Variants in PIAS1 observed in about 807,000 individuals in gnomAD.
PIAS1 encodes protein inhibitor of activated STAT 1, also known as E3 SUMO-protein ligase PIAS1.
Under a neutral mutation model 71.3 loss-of-function variants are expected in PIAS1, and 6 were observed. That is an observed-to-expected ratio of 0.08 (90% CI 0.05 to 0.17). The LOEUF is 0.17. Among genes scored for constraint, PIAS1 ranks in the 10% least tolerant of loss-of-function variants. The probability of loss-of-function intolerance (pLI) is 1.00; values close to 1 mark genes in which losing one functional copy is unlikely to be tolerated. For synonymous variants in PIAS1, 303 were observed against 292.9 expected, an observed-to-expected ratio of 1.03 and a Z score of -0.35; for missense variants, 555 against 793.6, an observed-to-expected ratio of 0.70 and a Z score of 3.61.
chr15:68,098,896 C>T (rs2092400161), intron 2 of PIAS1, among the ~76,000 whole-genome samples: 1 of 152,046 alleles, frequency 6.6e-6, no homozygotes. Flanking sequence ...TTTATAATTC[C>T]TAGAAATAGA....
At chr15:68,139,450 T>C (rs1262338225) in intron 2 of PIAS1, among the ~76,000 whole-genome samples, 2 of 152,240 alleles carry the variant, frequency 1.3e-5, no homozygotes, top group African/African-American at 4.8e-5. Context: ...TACTTGTACA[T>C]ACTATATATG....
At chr15:68,128,574 TA>T (rs35492116) in intron 2 of PIAS1, among the ~76,000 whole-genome samples, 3,199 of 152,212 alleles carry the variant, frequency 0.021, 114 homozygotes, top group African/African-American at 0.072. Context: ...AATTCTGATC[TA>T]AAAAAAAATT....
At chr15:68,120,101 C>T (rs12101612) in intron 2 of PIAS1, among the ~76,000 whole-genome samples, 10,008 of 152,280 alleles carry the variant, frequency 0.066, 1,075 homozygotes, top group African/African-American at 0.23. Flanking sequence ...TGCCACCATG[C>T]CCAGGTCATC....
rs149931492 is a variant in PIAS1 at position 68,080,427 on chromosome 15, C to T, written c.25-5879C>T. 5.5e-3 allele frequency among the ~76,000 whole-genome samples: 831 copies of T among 152,166 alleles called. 2 individuals are homozygous for T. Among genetic ancestry groups the T allele is most frequent in the East Asian group, 0.015 (77 of 5,176 alleles). On this transcript the variant is annotated intron_variant, in intron 1 of 13. Coordinates refer to ENST00000249636, the MANE Select transcript of PIAS1 (RefSeq NM_016166.3). ...AGGAGTAGGCACTACAGGTCATTTT[C>T]CGGTTGTCTTATGCTGCAAAATAGA...
At chr15:68,183,275 A>C (rs1417227371) in intron 12 of PIAS1, among the ~76,000 whole-genome samples, 4 of 152,208 alleles carry the variant, frequency 2.6e-5, no homozygotes, top group Non-Finnish European at 5.9e-5. Context: ...TACCTCATGA[A>C]GTGCTTGTGA....
rs530709738 is a variant in PIAS1, at chr15:68,151,896, A to G, written c.829-1694A>G. ...ATAAATAAACAAATAAAGCTTGTCA[A>G]TGCTATATCAGATTAGTATGTTGTA... On this transcript the variant is annotated intron_variant, in intron 6 of 13. Coordinates refer to ENST00000249636, the MANE Select transcript of PIAS1 (RefSeq NM_016166.3). Among the ~76,000 whole-genome samples the G allele has an allele frequency of 8.0e-5, 12 of 149,574 alleles. No individual in the cohort carries two copies. In the East Asian group the frequency reaches 2.2e-3, roughly 27 times the overall value.
intron 1 of PIAS1, among the ~76,000 whole-genome samples, chr15:68,069,361 G>A (rs1475935177): frequency 1.3e-5 from 2 of 151,948 alleles, no homozygotes; most frequent in African/African-American, 2.4e-5. Context: ...CCTTTTGCCC[G>A]TTTGACCTTT....
Position 68,167,312 on chromosome 15 carries a change from T to C in PIAS1, c.1008+2508T>C, listed in dbSNP as rs1254782359. Among the ~76,000 whole-genome samples the C allele has an allele frequency of 6.6e-6, 1 of 152,208 alleles. No homozygotes were observed. Among genetic ancestry groups the C allele is most frequent in the Admixed American group, 6.5e-5 (1 of 15,280 alleles). ...TCTGAAATAGTAAGATCATGTATTT[T>C]AGGTATGTTTTTACTCAAAAATAAA... On this transcript the variant is annotated intron_variant, in intron 8 of 13. Transcript: ENST00000249636. The surrounding 1 kb of genome is among the most constrained non-coding windows in gnomAD (Gnocchi z 4.4).
intron 8 of PIAS1, among the ~76,000 whole-genome samples, chr15:68,168,734 A>G (rs1198485335): frequency 6.6e-6 from 1 of 152,188 alleles, no homozygotes; most frequent in Non-Finnish European, 1.5e-5. Context: ...TATGATTCTA[A>G]GGCATTTGTG....
At position 68,190,416 on chromosome 15, in the gene PIAS1, A is replaced by G. The variant is rs1226270425; in HGVS notation, c.*2581A>G. On this transcript the variant is annotated 3_prime_UTR_variant, in exon 14 of 14. Coordinates refer to ENST00000249636, the MANE Select transcript of PIAS1 (RefSeq NM_016166.3). The surrounding 1 kb of genome is among the most constrained non-coding windows in gnomAD (Gnocchi z 4.7). ...ACTTTCATGATCTCTACTAATTATT[A>G]GTAGAGTCCTGTACTATGTCTGTAA... The G allele has an allele frequency of 6.6e-6, 1 of 152,202 alleles. No homozygotes were observed. Among genetic ancestry groups the G allele is most frequent in the Non-Finnish European group, 1.5e-5 (1 of 68,038 alleles). The allele number at this position is 152,202 out of a possible 1,614,324, so 9.4% of individuals were successfully genotyped here. A position where few individuals can be genotyped will look rare whatever the true frequency, so the allele number is the denominator to read the frequency against.
Position 68,132,218 on chromosome 15 carries a change from C to T in PIAS1, c.470-9728C>T, listed in dbSNP as rs573699832. ...TGTTGGCCGGGCATGGTGGCTCACA[C>T]CTGTAATCCCAGCACTTTGGGAGGC... On this transcript the variant is annotated intron_variant, in intron 2 of 13. Coordinates refer to ENST00000249636, the MANE Select transcript of PIAS1 (RefSeq NM_016166.3). Among the ~76,000 whole-genome samples, 13 of 152,220 alleles carry T rather than the reference C, an allele frequency of 8.5e-5. 1 individual carries two copies. The South Asian group carries it at 2.5e-3, about 29-fold the overall frequency.
At chr15:68,099,328 A>G (rs2092404098) in intron 2 of PIAS1, among the ~76,000 whole-genome samples, 1 of 144,796 alleles carries the variant, frequency 6.9e-6, no homozygotes, top group Non-Finnish European at 1.5e-5. Context: ...TGGGCTTTTT[A>G]CCCTTTTTTA....
chr15:68,061,837 G>T (rs1423862985), intron 1 of PIAS1, among the ~76,000 whole-genome samples: 1 of 152,130 alleles, frequency 6.6e-6, no homozygotes. Context: ...ATTCCACTTT[G>T]TGTGTGTGTT....
At chr15:68,135,598 G>A (rs1452731247) in intron 2 of PIAS1, among the ~76,000 whole-genome samples, 1 of 60,896 alleles carries the variant, frequency 1.6e-5, no homozygotes, top group African/African-American at 4.0e-5. Flanking sequence ...CCTCCCGGAC[G>A]GGGTGGCTGG....
At chr15:68,059,431 A>C (rs1472079837) in intron 1 of PIAS1, among the ~76,000 whole-genome samples, 1 of 151,922 alleles carries the variant, frequency 6.6e-6, no homozygotes, top group Non-Finnish European at 1.5e-5. Context: ...GCAATGCAGG[A>C]CCGGATGCCA....
intron 1 of PIAS1, among the ~76,000 whole-genome samples, chr15:68,068,840 C>T (rs1396665073): frequency 6.6e-6 from 1 of 151,754 alleles, no homozygotes; most frequent in East Asian, 1.9e-4. Context: ...GAGAAAAGTC[C>T]AGCTTTTTGG....
intron 11 of PIAS1, among the ~76,000 whole-genome samples, chr15:68,180,068 A>G (rs1017701407): frequency 2.6e-5 from 4 of 152,056 alleles, no homozygotes; most frequent in South Asian, 2.1e-4. Flanking sequence ...GAGGGCTACT[A>G]TAATTGTTTT....
chr15:68,055,906 A>C, intron 1 of PIAS1: 1 of 701,446 alleles, frequency 1.4e-6, no homozygotes, highest in Non-Finnish European at 2.6e-6. Context: ...CAAGATTCGT[A>C]TGTTAAGGTA....
intron 2 of PIAS1, among the ~76,000 whole-genome samples, chr15:68,115,014 G>T (rs1474692075): frequency 2.0e-5 from 3 of 151,996 alleles, no homozygotes; most frequent in Non-Finnish European, 4.4e-5. Flanking sequence ...TCACAAGAGA[G>T]ATCCCCCATG....
Sources: allele counts gnomAD v4.1 joint callset (sites outside exome capture counted in the v4.1 genomes callset), GRCh38; gene constraint gnomAD v4.1.1; non-coding constraint Gnocchi (gnomAD v3.1); transcripts MANE v1.5; gene names NCBI Gene and HGNC (gene_info 2026-07-23, HGNC 2026-07-21).